The following FANCD2 variants were observed in gnomAD, a reference collection of about 807,000 sequenced individuals.
FANCD2 encodes FA complementation group D2.
FANCD2 carries 131 observed loss-of-function variants against 192.3 expected under a neutral mutation model. The ratio of observed to expected loss-of-function variants is 0.68; its 90% CI spans 0.59 to 0.79. The LOEUF (loss-of-function observed/expected upper bound fraction) is 0.79, where lower values mean the gene tolerates loss of function less well. Among genes scored for constraint, FANCD2 ranks in the 30% least tolerant of loss-of-function variants. The pLI is 0.00. For missense variants in FANCD2, 1,508 were observed against 1,701.6 expected, an observed-to-expected ratio of 0.89 and a Z score of 2.00; for synonymous variants, 524 against 612.5, an observed-to-expected ratio of 0.86 and a Z score of 2.13.
At chr3:10,042,707 T>A in intron 11 of FANCD2, 44 bp downstream of exon 11, 1 of 1,443,120 alleles carries the variant, frequency 6.9e-7, no homozygotes, top group Non-Finnish European at 9.8e-7. Flanking sequence ...GCAACTTAAG[T>A]GCCAATTGCT....
At chr3:10,037,879 C>G (rs1219925407) in intron 7 of FANCD2, among the ~76,000 whole-genome samples, 1 of 152,152 alleles carries the variant, frequency 6.6e-6, no homozygotes, top group African/African-American at 2.4e-5. Context: ...AGAAGATACA[C>G]ACATACACAT....
chr3:10,064,772 T>C lies in FANCD2; in HGVS notation c.2065T>C (p.Tyr689His). The C allele has an allele frequency of 1.2e-6, 2 of 1,614,154 alleles. No individual in the cohort carries two copies. The highest frequency in any genetic ancestry group is 8.5e-7 in the Non-Finnish European group (1 of 1,179,950). ...PVKALYGLEE[Y>H]DTQDGIAINL... ...GAAAGCACTGTACGGACTGGAAGAA[T>C]ACGACACTCAGGATGGGATTGCCAT... Residue 689 changes from tyrosine to histidine, a missense_variant, in exon 23 of 44, where the codon TAC becomes CAC. By Grantham distance (83) the Tyr-to-His change is moderately conservative. Coordinates refer to ENST00000675286, the MANE Select transcript of FANCD2 (RefSeq NM_001018115.3).
At position 10,062,194 on chromosome 3, in the gene FANCD2, G is replaced by A. The variant is rs145170666; in HGVS notation, c.1810G>A (p.Asp604Asn). 42 of 1,612,916 alleles carry A rather than the reference G, an allele frequency of 2.6e-5. No individual in the cohort carries two copies. Among genetic ancestry groups the A allele is most frequent in the African/African-American group, 9.4e-5 (7 of 74,794 alleles). ...GACCCAAGAGAGAGCCAACCTGAGC[G>A]ATGAGCAGTGCACACAGGTGAGTTC... Reference protein sequence around the residue: ...SLTQERANLSDEQCTQVTSLL... With the variant: ...SLTQERANLSNEQCTQVTSLL... The change falls in exon 20 of 44, where the codon GAT becomes AAT. Residue 604 changes from aspartate (D) to asparagine (N), a missense_variant. By Grantham distance (23) the Asp-to-Asn change is conservative. This residue lies in a region of FANCD2 where 110 missense variants were observed against 114.4 expected (regional missense o/e 0.96). Transcript: ENST00000675286.
chr3:10,055,295 A>T (rs1440639222), intron 18 of FANCD2, among the ~76,000 whole-genome samples: 2 of 151,928 alleles, frequency 1.3e-5, no homozygotes, highest in Non-Finnish European at 2.9e-5. Context: ...TCCCAAACAA[A>T]CTTTGTACCC....
At chr3:10,073,184 G>A in intron 27 of FANCD2, 69 bp from the exon 28 acceptor site, 4 of 1,285,300 alleles carry the variant, frequency 3.1e-6, no homozygotes, top group South Asian at 1.2e-5. Context: ...GTTGTTTTCT[G>A]AGGGCAATGA....
rs769199393 is a variant in FANCD2, at chr3:10,043,034, T to C, written c.889-16T>C. 1.8e-5 allele frequency: 29 copies of C among 1,607,992 alleles called. No individual in the cohort carries two copies. The highest frequency in any genetic ancestry group is 2.4e-5 in the Non-Finnish European group (28 of 1,174,386). Reference sequence around the variant, plus strand: ...TGAATGAGCAGAAAACCATAGCTAATATTTACTTTCTGCAGGTAATTTCTG... The same window carrying C: ...TGAATGAGCAGAAAACCATAGCTAACATTTACTTTCTGCAGGTAATTTCTG... On this transcript the variant is annotated splice_polypyrimidine_tract_variant and intron_variant, in intron 11 of 43. Transcript: ENST00000675286.
intron 8 of FANCD2, 92 bp from the exon 9 acceptor site, chr3:10,039,629 C>A: frequency 7.0e-7 from 1 of 1,429,962 alleles, no homozygotes; most frequent in South Asian, 1.2e-5. Flanking sequence ...GTGTTTATTT[C>A]TCAAATAATT....
chr3:10,086,648 ATT>A (rs1030096712), intron 33 of FANCD2, among the ~76,000 whole-genome samples: 2 of 151,764 alleles, frequency 1.3e-5, no homozygotes, highest in African/African-American at 4.8e-5. Context: ...CACCCTACTA[ATT>A]TTTATATTTT....
chr3:10,060,111 G>A (rs2087522205), intron 18 of FANCD2, among the ~76,000 whole-genome samples, 183 bp from the exon 19 acceptor site: 1 of 150,618 alleles, frequency 6.6e-6, no homozygotes, highest in Non-Finnish European at 1.5e-5. Context: ...AGGTTGCAGT[G>A]AGCCGAGATT....
At chr3:10,097,887 C>T (rs915313004) in intron 42 of FANCD2, among the ~76,000 whole-genome samples, 3 of 152,182 alleles carry the variant, frequency 2.0e-5, no homozygotes, top group African/African-American at 7.2e-5. Flanking sequence ...ATAAAATCTT[C>T]ACAATCCACG....
At chr3:10,055,841 A>G (rs2087394147) in intron 18 of FANCD2, among the ~76,000 whole-genome samples, 1 of 151,890 alleles carries the variant, frequency 6.6e-6, no homozygotes, top group African/African-American at 2.4e-5. Context: ...ATAAATAAAT[A>G]AATAAATAAT....
In FANCD2 at chr3:10,046,444, A is replaced by G. The variant is rs1015406575; in HGVS notation, c.1135-136A>G. On this transcript the variant is annotated intron_variant, in intron 14 of 43. Coordinates refer to ENST00000675286, the MANE Select transcript of FANCD2 (RefSeq NM_001018115.3). ...TCTGAGTTTTGTGAAAAGTGTAGAT[A>G]CTCCCAGGGGAGTGTGTGGAACAAA... 6.3e-6 allele frequency: 9 copies of G among 1,419,320 alleles called. No homozygotes were observed. The African/African-American group carries it at 1.2e-4, about 18-fold the overall frequency. The allele number at this position is 1,419,320 out of a possible 1,614,324, so 87.9% of individuals were successfully genotyped here.
At chr3:10,068,323 A>G (rs1185196235) in intron 26 of FANCD2, among the ~76,000 whole-genome samples, 1 of 152,182 alleles carries the variant, frequency 6.6e-6, no homozygotes, top group East Asian at 1.9e-4. Flanking sequence ...AATGAGTAGC[A>G]TTTCTGTATG....
At chr3:10,052,340 A>G (rs116635111) in intron 17 of FANCD2, 47 bp from the exon 18 acceptor site, 6 of 1,237,102 alleles carry the variant, frequency 4.9e-6, no homozygotes, top group Non-Finnish European at 7.2e-6. Flanking sequence ...ATTTTAAGGG[A>G]AAAATGTTAG....
At chr3:10,050,856 G>A (rs1252180825) in intron 17 of FANCD2, among the ~76,000 whole-genome samples, 1 of 152,026 alleles carries the variant, frequency 6.6e-6, no homozygotes, top group African/African-American at 2.4e-5. Flanking sequence ...GGAGGCCGAG[G>A]CGGACGGATC....
Position 10,101,241 on chromosome 3 carries a change from G to A in FANCD2, c.4335G>A (p.Glu1445=), listed in dbSNP as rs778969666. 1.2e-6 allele frequency: 2 copies of A among 1,612,754 alleles called. No homozygotes were observed. Among genetic ancestry groups the A allele is most frequent in the Non-Finnish European group, 1.7e-6 (2 of 1,178,838 alleles). The stretch of plus-strand genomic sequence containing the variant: ...GAGAAAAGGAGCAAGATAGTGATGA[G>A]AGTTATGATGACTCTGATTAGACCC... ...SAGEKEQDSD[E]SYDDSD Residue 1445 remains glutamate, a synonymous_variant, in exon 44 of 44, where the codon GAG becomes GAA. Coordinates refer to ENST00000675286, the MANE Select transcript of FANCD2 (RefSeq NM_001018115.3).
chr3:10,077,094 A>T (rs985380581), intron 29 of FANCD2, among the ~76,000 whole-genome samples: 1 of 151,822 alleles, frequency 6.6e-6, no homozygotes. Flanking sequence ...GTAGCCAGGC[A>T]TGGTGACGCA....
At chr3:10,059,577 C>T (rs564084819) in intron 18 of FANCD2, among the ~76,000 whole-genome samples, 187 of 152,112 alleles carry the variant, frequency 1.2e-3, no homozygotes, top group African/African-American at 4.2e-3. Context: ...CCAAGACAGG[C>T]GGATCACGAG....
intron 12 of FANCD2, 42 bp downstream of exon 12, chr3:10,043,192 C>T (rs568043958): frequency 1.4e-6 from 2 of 1,463,652 alleles, no homozygotes; most frequent in Non-Finnish European, 1.9e-6. Context: ...AATTTTCTGA[C>T]ATCCCACTGT....
Sources: gnomAD v4.1 joint callset for allele counts (sites outside exome capture counted in the v4.1 genomes callset) on GRCh38, gnomAD v4.1.1 for gene constraint, gnomAD v4.1.1 regional missense constraint, MANE v1.5 for transcripts, NCBI Gene and HGNC (gene_info 2026-07-23, HGNC 2026-07-21) for gene names.